KCNT2: variants seen among roughly 807,000 people sequenced by gnomAD.
The protein encoded by KCNT2 is potassium channel subfamily T member 2.
KCNT2 carries 67 observed loss-of-function variants against 153.8 expected under a neutral mutation model. The observed-to-expected ratio is 0.44, with a 90% CI of 0.36 to 0.53. KCNT2 has a LOEUF of 0.53. Among genes scored for constraint, KCNT2 ranks in the 20% least tolerant of loss-of-function variants. The probability of loss-of-function intolerance (pLI) is 0.00; values close to 1 mark genes in which losing one functional copy is unlikely to be tolerated. For missense variants in KCNT2, 975 were observed against 1,354.8 expected (o/e 0.72, Z 4.40); for synonymous variants, 500 against 458.8 (o/e 1.09, Z -1.15).
chr1:196,591,001 C>G (rs1443599743), intron 1 of KCNT2, among the ~76,000 whole-genome samples: 1 of 152,086 alleles, frequency 6.6e-6, no homozygotes, highest in African/African-American at 2.4e-5. Flanking sequence ...GTGGCATGCA[C>G]CTGTACTCCC....
chr1:196,313,826 C>T (rs1662429610), intron 21 of KCNT2, among the ~76,000 whole-genome samples: 1 of 151,458 alleles, frequency 6.6e-6, no homozygotes, highest in Admixed American at 6.6e-5. Context: ...AAATTCTGCT[C>T]AAAACTATTC....
intron 1 of KCNT2, among the ~76,000 whole-genome samples, chr1:196,559,061 CAA>C (rs1335309700): frequency 1.4e-5 from 2 of 143,268 alleles, no homozygotes; most frequent in African/African-American, 5.1e-5. Context: ...TACTTGGAAA[CAA>C]AAAAAAAAAT....
intron 12 of KCNT2, among the ~76,000 whole-genome samples, chr1:196,405,108 A>G (rs1281504818): frequency 6.6e-6 from 1 of 151,554 alleles, no homozygotes; most frequent in Non-Finnish European, 1.5e-5. Flanking sequence ...GAAATAGAAA[A>G]GAAAAATTTT....
chr1:196,505,463 AC>A (rs1681053409), intron 1 of KCNT2, among the ~76,000 whole-genome samples: 1 of 151,074 alleles, frequency 6.6e-6, no homozygotes, highest in South Asian at 2.1e-4. Context: ...TGGTACCAGT[AC>A]CATGCTGTTT....
In KCNT2 at chr1:196,226,810, T is replaced by C. The variant is rs924899873; in HGVS notation, c.*1414A>G. ...CCCTTTCTAGTTTTATATGTATTTTTTGTTGTTGCTGAATTAAACTCAATG... is the reference window on the plus strand; with the variant it reads ...CCCTTTCTAGTTTTATATGTATTTTCTGTTGTTGCTGAATTAAACTCAATG... On this transcript the variant is annotated 3_prime_UTR_variant, in exon 28 of 28. Transcript: ENST00000294725. The C allele has an allele frequency of 3.3e-5, 5 of 152,014 alleles. No individual in the cohort carries two copies. The highest frequency in any genetic ancestry group is 1.2e-4 in the African/African-American group (5 of 41,452). The allele number at this position is 152,014 out of a possible 1,614,324, so 9.4% of individuals were successfully genotyped here.
In KCNT2 at chr1:196,600,422, A is replaced by G. The variant is rs1363699923; in HGVS notation, c.95+7793T>C. 3.3e-5 allele frequency among the ~76,000 whole-genome samples: 5 copies of G among 152,268 alleles called. 1 individual carries two copies. The highest frequency in any genetic ancestry group is 7.3e-5 in the Non-Finnish European group (5 of 68,050). On this transcript the variant is annotated intron_variant, in intron 1 of 27. Transcript: ENST00000294725. ...AAGGAACCACAGCTCCTAAGAGCAC[A>G]AAGTTTTTGTTTTTATTACATGAGC...
intron 12 of KCNT2, among the ~76,000 whole-genome samples, chr1:196,404,881 G>T (rs539878981): frequency 6.6e-6 from 1 of 151,598 alleles, no homozygotes; most frequent in Non-Finnish European, 1.5e-5. Flanking sequence ...AACATTAAAT[G>T]TGATAATATA....
At chr1:196,585,211 G>A (rs1662525128) in intron 1 of KCNT2, among the ~76,000 whole-genome samples, 1 of 152,084 alleles carries the variant, frequency 6.6e-6, no homozygotes, top group African/African-American at 2.4e-5. Flanking sequence ...AAGCTCAGTA[G>A]TGAGGAAGAG....
Position 196,507,696 on chromosome 1 carries a change from G to C in KCNT2, c.96-15355C>G, listed in dbSNP as rs376062837. On this transcript the variant is annotated intron_variant, in intron 1 of 27. Transcript: ENST00000294725. ...TGTTCTCATGTTATATTTATATAAA[G>C]GATATGTTTTTAACCTTTTGAAAAT... Among the ~76,000 whole-genome samples the C allele has an allele frequency of 1.2e-4, 19 of 152,142 alleles. 2 individuals are homozygous for C. In the East Asian group the frequency reaches 3.7e-3, roughly 29 times the overall value.
chr1:196,320,783 C>T (rs565270699), intron 19 of KCNT2, among the ~76,000 whole-genome samples: 1 of 150,796 alleles, frequency 6.6e-6, no homozygotes, highest in South Asian at 2.1e-4. Flanking sequence ...CATTAATTTT[C>T]TTTGTAGTCA....
At chr1:196,518,478 TAAA>T (rs35962682) in intron 1 of KCNT2, among the ~76,000 whole-genome samples, 174 of 126,330 alleles carry the variant, frequency 1.4e-3, no homozygotes, top group African/African-American at 3.1e-3. Context: ...AAGCTGGATT[TAAA>T]AAAAAAAAAA....
intron 13 of KCNT2, among the ~76,000 whole-genome samples, chr1:196,387,971 C>G (rs1446280756): frequency 1.4e-5 from 2 of 147,142 alleles, no homozygotes; most frequent in Non-Finnish European, 3.0e-5. Context: ...TTTCGTGTGT[C>G]TCAGCTAAGA....
intron 5 of KCNT2, among the ~76,000 whole-genome samples, chr1:196,473,202 C>T (rs756114580): frequency 1.4e-4 from 22 of 152,276 alleles, no homozygotes; most frequent in African/African-American, 4.1e-4. Context: ...AGCTCTCAAC[C>T]GAAATCTGGG....
chr1:196,527,511 A>T (rs1348724632), intron 1 of KCNT2, among the ~76,000 whole-genome samples: 4 of 152,142 alleles, frequency 2.6e-5, no homozygotes, highest in Non-Finnish European at 5.9e-5. Context: ...AATCTAACAA[A>T]TTTTTTGAAA....
At chr1:196,484,783 A>C (rs923453650) in intron 3 of KCNT2, among the ~76,000 whole-genome samples, 1 of 152,002 alleles carries the variant, frequency 6.6e-6, no homozygotes, top group Non-Finnish European at 1.5e-5. Flanking sequence ...TGAATAGGAG[A>C]TCCTTTTTAA....
At chr1:196,377,122 T>A (rs773839155) in intron 13 of KCNT2, among the ~76,000 whole-genome samples, 1 of 151,950 alleles carries the variant, frequency 6.6e-6, no homozygotes, top group African/African-American at 2.4e-5. Context: ...GGTAATGATA[T>A]GATCTAAGTT....
At chr1:196,522,036 T>G (rs938624428) in intron 1 of KCNT2, among the ~76,000 whole-genome samples, 3 of 152,150 alleles carry the variant, frequency 2.0e-5, no homozygotes, top group Non-Finnish European at 4.4e-5. Context: ...TTAATTAAAT[T>G]CCAGTAGTAC....
At chr1:196,263,223 G>T (rs562645296) in intron 25 of KCNT2, among the ~76,000 whole-genome samples, 2 of 150,500 alleles carry the variant, frequency 1.3e-5, no homozygotes, top group African/African-American at 4.9e-5. Context: ...TGTGCAGAAC[G>T]TGCAGGTTTG....
intron 12 of KCNT2, among the ~76,000 whole-genome samples, chr1:196,420,364 G>A (rs553528270): frequency 6.6e-6 from 1 of 151,600 alleles, no homozygotes; most frequent in Non-Finnish European, 1.5e-5. Context: ...TTCTCTTTTT[G>A]TGTATGGTTT....
Sources: allele counts gnomAD v4.1 joint callset (sites outside exome capture counted in the v4.1 genomes callset), GRCh38; gene constraint gnomAD v4.1.1; transcripts MANE v1.5; gene names NCBI Gene and HGNC (gene_info 2026-07-23, HGNC 2026-07-21).